Variants in CTNNA3 observed in about 807,000 individuals in gnomAD.
CTNNA3 encodes the protein catenin alpha-3.
A neutral mutation model predicts 95.7 loss-of-function variants in CTNNA3; 76 were observed. That is an observed-to-expected ratio of 0.79 (90% CI 0.66 to 0.96). The LOEUF (loss-of-function observed/expected upper bound fraction) is 0.96. Among genes scored for constraint, CTNNA3 ranks in the 40% least tolerant of loss-of-function variants. The probability of loss-of-function intolerance (pLI) is 0.00; values close to 1 mark genes in which losing one functional copy is unlikely to be tolerated. For synonymous variants in CTNNA3, 431 were observed against 374.4 expected, an observed-to-expected ratio of 1.15 and a Z score of -1.74; for missense variants, 1,191 against 1,089.8, an observed-to-expected ratio of 1.09 and a Z score of -1.31.
intron 11 of CTNNA3, among the ~76,000 whole-genome samples, chr10:66,483,744 C>T (rs1244097545): frequency 6.6e-6 from 1 of 151,968 alleles, no homozygotes; most frequent in Non-Finnish European, 1.5e-5. Flanking sequence ...TTAATTTGTC[C>T]CTGAAATTAC....
At chr10:67,154,994 C>T (rs1224287367) in intron 7 of CTNNA3, among the ~76,000 whole-genome samples, 1 of 152,126 alleles carries the variant, frequency 6.6e-6, no homozygotes, top group Non-Finnish European at 1.5e-5. Flanking sequence ...TCTACATCAC[C>T]TCTTTCCCTT....
At chr10:66,130,864 C>CAA (rs1209953818) in intron 13 of CTNNA3, among the ~76,000 whole-genome samples, 12 of 83,290 alleles carry the variant, frequency 1.4e-4, no homozygotes, top group African/African-American at 4.3e-4. Flanking sequence ...CAAAAACAAA[C>CAA]AAAAAAAAAA....
intron 13 of CTNNA3, among the ~76,000 whole-genome samples, chr10:66,155,731 T>C (rs1364773887): frequency 2.0e-5 from 3 of 151,800 alleles, no homozygotes; most frequent in African/African-American, 4.8e-5. Flanking sequence ...AAAAGTAAAA[T>C]ATAAAACAAT....
intron 14 of CTNNA3, among the ~76,000 whole-genome samples, chr10:66,079,962 T>A (rs932755603): frequency 2.0e-5 from 3 of 152,110 alleles, no homozygotes; most frequent in African/African-American, 7.2e-5. Context: ...ATAGTTTATA[T>A]CAATTTGAGT....
intron 10 of CTNNA3, among the ~76,000 whole-genome samples, chr10:66,598,479 T>C (rs2605496): frequency 0.052 from 7,915 of 152,090 alleles, 626 homozygotes; most frequent in East Asian, 0.27. Flanking sequence ...TTGTTCTTGT[T>C]TGTAGACAAC....
At chr10:67,288,204 A>G (rs180777883) in intron 5 of CTNNA3, among the ~76,000 whole-genome samples, 1 of 152,298 alleles carries the variant, frequency 6.6e-6, no homozygotes, top group Admixed American at 6.5e-5. Flanking sequence ...TTTCTCCTGT[A>G]GGACACAGTT....
At chr10:67,355,226 G>T (rs966110067) in intron 5 of CTNNA3, among the ~76,000 whole-genome samples, 25 of 151,940 alleles carry the variant, frequency 1.6e-4, no homozygotes, top group Non-Finnish European at 3.5e-4. Flanking sequence ...ATTTTAAAAA[G>T]AAATTACACT....
chr10:66,784,005 A>G (rs891040235), intron 7 of CTNNA3, among the ~76,000 whole-genome samples: 2 of 152,154 alleles, frequency 1.3e-5, no homozygotes, highest in African/African-American at 4.8e-5. Flanking sequence ...ACATATGGCT[A>G]TGGAAAGTCT....
intron 11 of CTNNA3, among the ~76,000 whole-genome samples, chr10:66,403,781 A>C (rs2093037391): frequency 6.6e-6 from 1 of 152,214 alleles, no homozygotes; most frequent in South Asian, 2.1e-4. Flanking sequence ...GAAATCTGAC[A>C]TACTTGACTC....
intron 10 of CTNNA3, among the ~76,000 whole-genome samples, chr10:66,549,975 A>G (rs1409981906): frequency 6.6e-6 from 1 of 152,180 alleles, no homozygotes; most frequent in African/African-American, 2.4e-5. Context: ...CTAATAAGAT[A>G]AAGACGTATC....
intron 5 of CTNNA3, among the ~76,000 whole-genome samples, chr10:67,379,858 A>T (rs1412441773): frequency 6.6e-6 from 1 of 151,740 alleles, no homozygotes; most frequent in Non-Finnish European, 1.5e-5. Context: ...CGTCTCTACT[A>T]AAAATACAAA....
chr10:66,672,479 C>A (rs1284972587), intron 9 of CTNNA3, among the ~76,000 whole-genome samples: 1 of 151,996 alleles, frequency 6.6e-6, no homozygotes. Context: ...AAAATGGTAT[C>A]ATGAGATGTC....
intron 10 of CTNNA3, among the ~76,000 whole-genome samples, chr10:66,582,260 TG>T (rs1301184216): frequency 6.6e-6 from 1 of 151,908 alleles, no homozygotes; most frequent in Admixed American, 6.6e-5. Context: ...TGATATTGAT[TG>T]TTCTAACCCA....
intron 13 of CTNNA3, among the ~76,000 whole-genome samples, chr10:66,129,333 C>T (rs2082979027): frequency 6.6e-6 from 1 of 152,148 alleles, no homozygotes; most frequent in African/African-American, 2.4e-5. Flanking sequence ...TCACATTGGG[C>T]CTCTGGAATA....
chr10:67,310,409 C>A (rs2132523573), intron 5 of CTNNA3, among the ~76,000 whole-genome samples: 1 of 152,188 alleles, frequency 6.6e-6, no homozygotes, highest in East Asian at 1.9e-4. Flanking sequence ...AAAAAAACTT[C>A]TTTTTAAAAG....
intron 7 of CTNNA3, among the ~76,000 whole-genome samples, chr10:66,981,080 T>C (rs759652285): frequency 1.6e-4 from 25 of 152,076 alleles, no homozygotes; most frequent in Non-Finnish European, 3.1e-4. Flanking sequence ...TAATTTTGTA[T>C]TTTTACTAGA....
chr10:66,689,454 T>C (rs1486906155), intron 9 of CTNNA3, among the ~76,000 whole-genome samples: 1 of 152,208 alleles, frequency 6.6e-6, no homozygotes, highest in African/African-American at 2.4e-5. Flanking sequence ...TAATCATATT[T>C]ATGCAAATGT....
At chr10:66,056,473 G>T (rs1339175394) in intron 15 of CTNNA3, among the ~76,000 whole-genome samples, 2 of 151,982 alleles carry the variant, frequency 1.3e-5, no homozygotes, top group Non-Finnish European at 2.9e-5. Flanking sequence ...TTCATCAGAG[G>T]TATTGGCCTG....
chr10:66,539,682 T>C (rs1841780201), intron 10 of CTNNA3, among the ~76,000 whole-genome samples: 1 of 152,088 alleles, frequency 6.6e-6, no homozygotes, highest in Non-Finnish European at 1.5e-5. Context: ...AGCTATTCAT[T>C]TGGAAGAGGG....
Sources: allele counts gnomAD v4.1 joint callset (sites outside exome capture counted in the v4.1 genomes callset), GRCh38; gene constraint gnomAD v4.1.1; transcripts MANE v1.5; gene names NCBI Gene and HGNC (gene_info 2026-07-23, HGNC 2026-07-21).